Variants in IFT81 observed in about 807,000 individuals in gnomAD.
The protein encoded by IFT81 is intraflagellar transport protein 81 homolog.
IFT81 carries 72 observed loss-of-function variants against 102.6 expected under a neutral mutation model. The observed-to-expected ratio is 0.70, with a 90% CI of 0.58 to 0.85. IFT81 has a LOEUF of 0.85. IFT81 is among the 40% of genes least tolerant of loss of function. The pLI, the probability that IFT81 is intolerant of heterozygous loss-of-function variation, is 0.00. For synonymous variants in IFT81, 237 were observed against 242.7 expected (o/e 0.98, Z 0.22); for missense variants, 723 against 787.3 (o/e 0.92, Z 0.98).
intron 17 of IFT81, among the ~76,000 whole-genome samples, chr12:110,207,712 G>A (rs1413095077): frequency 7.3e-5 from 11 of 151,634 alleles, no homozygotes; most frequent in African/African-American, 2.4e-4. Flanking sequence ...ACAGGTGCCC[G>A]CCACCACGCC....
At position 110,134,947 on chromosome 12, in the gene IFT81, G is replaced by A; in HGVS notation, c.520-1G>A. ...ATAAGGTCTTCTTTGCCACTTTTTA[G>A]GATATCAGTGCAATGGAAGAAGAAA... On this transcript the variant is annotated splice_acceptor_variant, in intron 5 of 18. Coordinates refer to ENST00000242591, the MANE Select transcript of IFT81 (RefSeq NM_014055.4). LOFTEE classifies it high-confidence loss of function. The A allele has an allele frequency of 6.2e-7, 1 of 1,606,888 alleles. No individual in the cohort carries two copies. The highest frequency in any genetic ancestry group is 8.5e-7 in the Non-Finnish European group (1 of 1,177,352).
chr12:110,129,196 T>C, intron 4 of IFT81, 66 bp downstream of exon 4: 1 of 1,193,862 alleles, frequency 8.4e-7, no homozygotes, highest in South Asian at 1.4e-5. Flanking sequence ...TTCAAATACA[T>C]GTTACTCTTT....
intron 10 of IFT81, among the ~76,000 whole-genome samples, chr12:110,160,810 G>GC (rs1474693708): frequency 6.6e-6 from 1 of 152,138 alleles, no homozygotes; most frequent in Non-Finnish European, 1.5e-5. Context: ...GGTTTCTGTA[G>GC]TTTTTCTATT....
intron 10 of IFT81, among the ~76,000 whole-genome samples, chr12:110,149,150 G>A (rs1248420123): frequency 3.3e-5 from 5 of 152,116 alleles, no homozygotes. Context: ...TCATTTCTAG[G>A]CTCATCGTTT....
At chr12:110,208,875 G>T (rs1869034942) in intron 17 of IFT81, among the ~76,000 whole-genome samples, 1 of 152,176 alleles carries the variant, frequency 6.6e-6, no homozygotes, top group South Asian at 2.1e-4. Flanking sequence ...AATTTAAGCA[G>T]ATGGGTTGCC....
At chr12:110,173,313 G>A (rs1307668611) in intron 11 of IFT81, among the ~76,000 whole-genome samples, 3 of 147,528 alleles carry the variant, frequency 2.0e-5, no homozygotes, top group African/African-American at 2.5e-5. Flanking sequence ...TCTCTGCCCG[G>A]CCAGCCACCC....
At chr12:110,139,868 T>A (rs866774437) in intron 8 of IFT81, among the ~76,000 whole-genome samples, 148 of 131,196 alleles carry the variant, frequency 1.1e-3, no homozygotes, top group African/African-American at 3.6e-3. Flanking sequence ...AAATAAAATA[T>A]AAAATAAAAT....
At chr12:110,169,515 A>C (rs1447028837) in intron 11 of IFT81, among the ~76,000 whole-genome samples, 3 of 152,128 alleles carry the variant, frequency 2.0e-5, no homozygotes, top group African/African-American at 7.2e-5. Context: ...TGGTGATTAG[A>C]ATGAAATATT....
At chr12:110,175,689 G>A (rs577478426) in intron 11 of IFT81, among the ~76,000 whole-genome samples, 1 of 152,230 alleles carries the variant, frequency 6.6e-6, no homozygotes, top group Non-Finnish European at 1.5e-5. Flanking sequence ...TTGTTTTCCA[G>A]ACCATTGCTC....
At chr12:110,141,802 C>T (rs1224256605) in intron 8 of IFT81, among the ~76,000 whole-genome samples, 2 of 152,132 alleles carry the variant, frequency 1.3e-5, no homozygotes, top group Non-Finnish European at 2.9e-5. Flanking sequence ...ATCGCTTGAA[C>T]CCAGGAGGCA....
At chr12:110,162,068 A>G (rs1056978589) in intron 10 of IFT81, among the ~76,000 whole-genome samples, 1 of 152,174 alleles carries the variant, frequency 6.6e-6, no homozygotes, top group African/African-American at 2.4e-5. Flanking sequence ...GGTGAGTCAG[A>G]TGTTTGATTT....
intron 11 of IFT81, among the ~76,000 whole-genome samples, chr12:110,165,180 G>C (rs914289113): frequency 6.6e-6 from 1 of 151,938 alleles, no homozygotes; most frequent in African/African-American, 2.4e-5. Context: ...GGTCGGAAAA[G>C]AACAAATCAA....
At chr12:110,146,810 A>T in intron 9 of IFT81, 143 bp from the exon 10 acceptor site, 1 of 1,032,488 alleles carries the variant, frequency 9.7e-7, no homozygotes, top group Non-Finnish European at 1.3e-6. Flanking sequence ...CTCTTAAAAA[A>T]AAAATTAGTC....
chr12:110,155,135 C>T (rs773500346), intron 10 of IFT81, among the ~76,000 whole-genome samples: 3 of 152,156 alleles, frequency 2.0e-5, no homozygotes, highest in Non-Finnish European at 2.9e-5. Flanking sequence ...TTCTTTGTCT[C>T]TTGTACTCTT....
chr12:110,159,202 C>T (rs1337479899), intron 10 of IFT81, among the ~76,000 whole-genome samples: 3 of 152,132 alleles, frequency 2.0e-5, no homozygotes, highest in Admixed American at 2.0e-4. Flanking sequence ...GGCACAGTGG[C>T]TTATGCCTAT....
intron 4 of IFT81, among the ~76,000 whole-genome samples, chr12:110,132,179 CTA>C (rs1409841455): frequency 2.6e-5 from 4 of 152,054 alleles, no homozygotes; most frequent in East Asian, 1.9e-4. Context: ...TAAGAAAACT[CTA>C]TGGCTAGGCG....
At chr12:110,136,724 G>A in intron 7 of IFT81, 52 bp from the exon 8 acceptor site, 1 of 991,750 alleles carries the variant, frequency 1.0e-6, no homozygotes, top group Non-Finnish European at 1.5e-6. Context: ...GCCTAAGTGA[G>A]AGGTAAGCTT....
At chr12:110,187,089 T>C (rs1897568230) in intron 12 of IFT81, among the ~76,000 whole-genome samples, 1 of 152,224 alleles carries the variant, frequency 6.6e-6, no homozygotes, top group South Asian at 2.1e-4. Context: ...TGTTGAATTC[T>C]TAATATCAGT....
At chr12:110,192,388 G>A (rs547165346) in intron 13 of IFT81, among the ~76,000 whole-genome samples, 8 of 152,060 alleles carry the variant, frequency 5.3e-5, no homozygotes, top group Admixed American at 2.0e-4. Context: ...AGATTTTCCC[G>A]TAATGGTTTA....
Sources: allele counts gnomAD v4.1 joint callset (sites outside exome capture counted in the v4.1 genomes callset), GRCh38; gene constraint gnomAD v4.1.1; transcripts MANE v1.5; gene names NCBI Gene and HGNC (gene_info 2026-07-23, HGNC 2026-07-21).